Variants in ZNF19 observed in about 807,000 individuals in gnomAD.
ZNF19 encodes zinc finger protein 19 (KOX 12).
A neutral mutation model predicts 13.1 loss-of-function variants in ZNF19; 11 were observed. That is an observed-to-expected ratio of 0.84 (90% CI 0.53 to 1.39). ZNF19 has a LOEUF of 1.39. ZNF19 is among the 40% of genes most tolerant of loss of function. The pLI is 0.00. For missense variants in ZNF19, 560 were observed against 547.0 expected (o/e 1.02, Z -0.24); for synonymous variants, 186 against 187.0 (o/e 0.99, Z 0.04).
At position 71,475,014 on chromosome 16, in the gene ZNF19, G is replaced by A. The variant is rs1289850262; in HGVS notation, c.*156C>T. Reference sequence around the variant, plus strand: ...TGTTCCTATTAGCTCTTGCAATCCTGGGACTCTAATTGAACCATCTTTGGT... The same window carrying A: ...TGTTCCTATTAGCTCTTGCAATCCTAGGACTCTAATTGAACCATCTTTGGT... On this transcript the variant is annotated 3_prime_UTR_variant, in exon 6 of 6. Transcript: ENST00000288177. 2 of 920,912 alleles carry A rather than the reference G, an allele frequency of 2.2e-6. No homozygotes were observed. Among genetic ancestry groups the A allele is most frequent in the East Asian group, 2.7e-5 (1 of 37,642 alleles). 57.0% of individuals were successfully genotyped at this position (920,912 alleles called of 1,614,324 possible). A position where few individuals can be genotyped will look rare whatever the true frequency, so the allele number is the denominator to read the frequency against.
chr16:71,478,128 AATC>A (rs2043613848), intron 5 of ZNF19, 97 bp downstream of exon 5: 2 of 769,634 alleles, frequency 2.6e-6, no homozygotes, highest in Non-Finnish European at 4.3e-6. Flanking sequence ...TATTAGGTGA[AATC>A]ATCTATTTTA....
At chr16:71,485,482 AAC>A (rs1491348279) in intron 1 of ZNF19, among the ~76,000 whole-genome samples, 2 of 151,702 alleles carry the variant, frequency 1.3e-5, no homozygotes, top group African/African-American at 4.8e-5. Context: ...AACAAAAAAA[AAC>A]AAAAAGAAAG....
At chr16:71,480,354 C>A (rs1011254479) in intron 3 of ZNF19, among the ~76,000 whole-genome samples, 1 of 152,206 alleles carries the variant, frequency 6.6e-6, no homozygotes, top group Non-Finnish European at 1.5e-5. Context: ...CAACCCCAAA[C>A]TCATCTTCCC....
chr16:71,476,549 T>C lies in ZNF19; in HGVS notation c.275-277A>G, dbSNP rs979684934. ...TCTGGTCATCCCTGGCATGAGCTAGTATCTTTTGAATTGATGCTACTTACA... is the reference window on the plus strand; with the variant it reads ...TCTGGTCATCCCTGGCATGAGCTAGCATCTTTTGAATTGATGCTACTTACA... On this transcript the variant is annotated intron_variant, in intron 5 of 5. Coordinates refer to ENST00000288177, the MANE Select transcript of ZNF19 (RefSeq NM_006961.4). 2.0e-5 allele frequency among the ~76,000 whole-genome samples: 3 copies of C among 152,230 alleles called. No homozygotes were observed. The East Asian group carries it at 5.8e-4, about 29-fold the overall frequency.
chr16:71,478,384 C>T (rs1030114361), intron 4 of ZNF19, 43 bp from the exon 5 acceptor site: 7 of 1,444,510 alleles, frequency 4.8e-6, no homozygotes, highest in Non-Finnish European at 6.8e-6. Flanking sequence ...CCTGTATCTG[C>T]TGTGTCAAAA....
Position 71,474,555 on chromosome 16 carries a change from G to A in ZNF19, c.*615C>T, listed in dbSNP as rs1011376461. On this transcript the variant is annotated 3_prime_UTR_variant, in exon 6 of 6. Coordinates refer to ENST00000288177, the MANE Select transcript of ZNF19 (RefSeq NM_006961.4). ...ACCTGGGCTCTCCAGTGTTACAGTG[G>A]GCTTCCCAATCTCATCACAATCATG... 6.6e-6 allele frequency: 1 copy of A among 152,500 alleles called. No individual in the cohort carries two copies. The highest frequency in any genetic ancestry group is 1.5e-5 in the Non-Finnish European group (1 of 68,352). The allele number at this position is 152,500 out of a possible 1,614,324, so 9.4% of individuals were successfully genotyped here.
Position 71,475,620 on chromosome 16 carries a change from G to C in ZNF19, c.927C>G (p.Ser309Arg). ...GGCTTAGATGGGAAGTCCTTCCAAA[G>C]CTTTTGCCACACTCATTACACTCAT... The part of the protein sequence containing the change: ...KPYECNECGK[S>R]FGRTSHLSQH... The change falls in exon 6 of 6, where the codon AGC (serine) becomes AGG (arginine). Residue 309 changes from serine (S) to arginine (R), a missense_variant. Physicochemically the swap from Ser to Arg is moderately radical, Grantham distance 110. Coordinates refer to ENST00000288177, the MANE Select transcript of ZNF19 (RefSeq NM_006961.4). 1 of 1,614,160 alleles carries C rather than the reference G, an allele frequency of 6.2e-7. No homozygotes were observed. Among genetic ancestry groups the C allele is most frequent in the Non-Finnish European group, 8.5e-7 (1 of 1,180,036 alleles).
chr16:71,475,468 A>C lies in ZNF19; in HGVS notation c.1079T>G (p.Val360Gly), dbSNP rs1334250834. 6.2e-7 allele frequency: 1 copy of C among 1,614,164 alleles called. No individual in the cohort carries two copies. The highest frequency in any genetic ancestry group is 8.5e-7 in the Non-Finnish European group (1 of 1,180,022). ...AGCACTGAAGGCTTTTCCACAATCT[A>C]CACAGTCAAAGGGTTTCTCCTCACT... ...IHSEEKPFDC[V>G]DCGKAFSAQE... Residue 360 changes from valine (V) to glycine (G), a missense_variant, in exon 6 of 6, where the codon GTA (valine) becomes GGA (glycine). By Grantham distance (109) the Val-to-Gly change is moderately radical. Transcript: ENST00000288177.
In ZNF19 at chr16:71,483,816, C is replaced by G. The variant is rs2145171802; in HGVS notation, c.-30+773G>C. ...AAGTAGAGAGAGAAGGGGCATGATC[C>G]TGTCCCTCGCAGAGCTTAGTCTAAA... On this transcript the variant is annotated intron_variant, in intron 2 of 5. Transcript: ENST00000288177. Among the ~76,000 whole-genome samples the G allele has an allele frequency of 2.0e-5, 3 of 152,338 alleles. No individual in the cohort carries two copies. The Middle Eastern group carries it at 0.01, about 518-fold the overall frequency.
chr16:71,488,809 AAAAC>A (rs1315265067), intron 1 of ZNF19, among the ~76,000 whole-genome samples: 2 of 152,250 alleles, frequency 1.3e-5, no homozygotes, highest in East Asian at 1.9e-4. Flanking sequence ...CAAAAAAACC[AAAAC>A]AAACTAACAA....
In ZNF19 at chr16:71,473,659, A is replaced by G. The variant is rs1477147326; in HGVS notation, c.*1511T>C. The stretch of plus-strand genomic sequence containing the variant: ...GAGTGCAGTGGTGTAATCTCGGCTC[A>G]CTACAACCTCCGCCTCCCGGGTTCA... On this transcript the variant is annotated 3_prime_UTR_variant, in exon 6 of 6. Coordinates refer to ENST00000288177, the MANE Select transcript of ZNF19 (RefSeq NM_006961.4). The G allele has an allele frequency of 6.6e-6, 1 of 152,044 alleles. No individual in the cohort carries two copies. The highest frequency in any genetic ancestry group is 1.5e-5 in the Non-Finnish European group (1 of 68,018). 9.4% of individuals were successfully genotyped at this position (152,044 alleles called of 1,614,324 possible).
chr16:71,488,453 AT>A (rs1159743090), intron 1 of ZNF19, among the ~76,000 whole-genome samples: 1 of 152,122 alleles, frequency 6.6e-6, no homozygotes, highest in Non-Finnish European at 1.5e-5. Flanking sequence ...AGGCAACATG[AT>A]TATCTGTATA....
At chr16:71,487,311 C>G (rs1417875163) in intron 1 of ZNF19, 2 of 152,782 alleles carry the variant, frequency 1.3e-5, no homozygotes, top group Non-Finnish European at 2.9e-5. Context: ...TTTGCTGTCT[C>G]TCTCCTGCTG....
At chr16:71,476,350 G>A in intron 5 of ZNF19, 78 bp from the exon 6 acceptor site, 1 of 1,428,268 alleles carries the variant, frequency 7.0e-7, no homozygotes, top group Non-Finnish European at 9.3e-7. Flanking sequence ...AAAATGATAA[G>A]GCTTTAAAAG....
chr16:71,484,798 A>T, intron 1 of ZNF19, 50 bp from the exon 2 acceptor site: 2 of 949,658 alleles, frequency 2.1e-6, no homozygotes, highest in Non-Finnish European at 2.5e-6. Context: ...CTCTAACCGA[A>T]ATTTAGCATT....
chr16:71,489,143 C>T (rs1398118240), intron 1 of ZNF19, 129 bp downstream of exon 1: 6 of 676,396 alleles, frequency 8.9e-6, no homozygotes, highest in Non-Finnish European at 9.1e-6. Context: ...TCCCACCCGG[C>T]CACAATTGTA....
At chr16:71,481,110 CAG>C (rs2043634618) in intron 3 of ZNF19, among the ~76,000 whole-genome samples, 1 of 152,158 alleles carries the variant, frequency 6.6e-6, no homozygotes, top group African/African-American at 2.4e-5. Context: ...GAAATGGTAT[CAG>C]GGGAGAACAT....
intron 1 of ZNF19, among the ~76,000 whole-genome samples, chr16:71,487,846 T>C (rs2145175061): frequency 6.6e-6 from 1 of 152,322 alleles, no homozygotes; most frequent in East Asian, 1.9e-4. Flanking sequence ...TTGCCTTGGC[T>C]GCAAAAAAAT....
At chr16:71,488,739 C>T (rs1189294995) in intron 1 of ZNF19, among the ~76,000 whole-genome samples, 2 of 152,224 alleles carry the variant, frequency 1.3e-5, no homozygotes, top group African/African-American at 4.8e-5. Flanking sequence ...GCGGAGGTTG[C>T]AGTGAGTAGA....
Sources: allele counts gnomAD v4.1 joint callset (sites outside exome capture counted in the v4.1 genomes callset), GRCh38; gene constraint gnomAD v4.1.1; transcripts MANE v1.5; gene names NCBI Gene and HGNC (gene_info 2026-07-23, HGNC 2026-07-21).